Variants in LRP1B observed in about 807,000 individuals in gnomAD.
The protein encoded by LRP1B is low-density lipoprotein receptor-related protein 1B.
A neutral mutation model predicts 556.6 loss-of-function variants in LRP1B; 217 were observed. The observed-to-expected ratio is 0.39, with a 90% confidence interval of 0.35 to 0.44. LRP1B has a LOEUF of 0.44. Among genes scored for constraint, LRP1B ranks in the 20% least tolerant of loss-of-function variants. The pLI, the probability that LRP1B is intolerant of heterozygous loss-of-function variation, is 1.00. For synonymous variants in LRP1B, 2,047 were observed against 1,865.8 expected, an observed-to-expected ratio of 1.10 and a Z score of -2.50; for missense variants, 5,053 against 5,620.8, an observed-to-expected ratio of 0.90 and a Z score of 3.23.
At chr2:141,434,172 T>A (rs778104537) in intron 3 of LRP1B, among the ~76,000 whole-genome samples, 1 of 152,186 alleles carries the variant, frequency 6.6e-6, no homozygotes, top group East Asian at 1.9e-4. Context: ...TATCTTTGAA[T>A]ATTTTTTCTG....
In LRP1B at chr2:140,701,497, C is replaced by T. The variant is rs1412181812; in HGVS notation, c.6427+224G>A. Among the ~76,000 whole-genome samples, 3 of 152,144 alleles carry T rather than the reference C, an allele frequency of 2.0e-5. No homozygotes were observed. The East Asian group carries it at 5.8e-4, about 29-fold the overall frequency. On this transcript the variant is annotated intron_variant, in intron 40 of 90. Coordinates refer to ENST00000389484, the MANE Select transcript of LRP1B (RefSeq NM_018557.3). ...TAATCAAGACATGCCAGGTATGTAA[C>T]ATGTCCATGTACCTGTGCTGTCCTG... is the stretch of plus-strand genomic sequence containing the variant.
chr2:141,421,324 C>G (rs1264782522), intron 3 of LRP1B, among the ~76,000 whole-genome samples: 2 of 151,938 alleles, frequency 1.3e-5, no homozygotes, highest in Non-Finnish European at 2.9e-5. Flanking sequence ...GTCAGGAGAT[C>G]GAGACCATCC....
intron 2 of LRP1B, among the ~76,000 whole-genome samples, chr2:141,569,324 C>T (rs1160263092): frequency 6.7e-6 from 1 of 150,286 alleles, no homozygotes; most frequent in East Asian, 1.9e-4. Flanking sequence ...TTTAAGCAGG[C>T]CCTAGAAATA....
intron 28 of LRP1B, 61 bp from the exon 29 acceptor site, chr2:140,850,390 T>C (rs1281398209): frequency 3.2e-6 from 3 of 946,456 alleles, no homozygotes; most frequent in Admixed American, 2.5e-5. Context: ...AGTCTAGAAA[T>C]TCTAAAATAT....
At chr2:140,658,353 T>G (rs1684963075) in intron 41 of LRP1B, among the ~76,000 whole-genome samples, 1 of 152,074 alleles carries the variant, frequency 6.6e-6, no homozygotes, top group Admixed American at 6.5e-5. Flanking sequence ...TAACAATTTC[T>G]AACAAAAGTT....
intron 66 of LRP1B, among the ~76,000 whole-genome samples, chr2:140,440,943 T>A (rs1233131544): frequency 6.6e-6 from 1 of 152,194 alleles, no homozygotes; most frequent in Admixed American, 6.5e-5. Context: ...ATTTGACACA[T>A]CCCAGTTACA....
At chr2:142,119,243 A>T (rs896758784) in intron 1 of LRP1B, among the ~76,000 whole-genome samples, 1 of 152,204 alleles carries the variant, frequency 6.6e-6, no homozygotes, top group African/African-American at 2.4e-5. Context: ...TTATTTTCTT[A>T]TACATTACTT....
intron 1 of LRP1B, among the ~76,000 whole-genome samples, chr2:142,003,891 C>A (rs899535551): frequency 5.9e-5 from 9 of 152,198 alleles, no homozygotes; most frequent in Non-Finnish European, 1.5e-5. Context: ...CCTTGCCCTG[C>A]CACATATTAT....
intron 1 of LRP1B, among the ~76,000 whole-genome samples, chr2:142,123,688 C>T (rs1252440748): frequency 1.4e-5 from 2 of 142,296 alleles, no homozygotes; most frequent in Admixed American, 7.1e-5. Flanking sequence ...TTTCTCTTAA[C>T]AAAGTTGGAA....
In LRP1B at chr2:140,700,188, T is replaced by C. The variant is rs1403053454; in HGVS notation, c.6799+62A>G. 30 of 1,398,494 alleles carry C rather than the reference T, an allele frequency of 2.1e-5. No homozygotes were observed. The Middle Eastern group carries it at 7.4e-4, about 35-fold the overall frequency. 86.6% of individuals were successfully genotyped at this position (1,398,494 alleles called of 1,614,324 possible). A position where few individuals can be genotyped will look rare whatever the true frequency, so the allele number is the denominator to read the frequency against. Reference sequence around the variant, plus strand: ...TTGCTACATGCAATTACCACTATTATTTCTCTAGTAATCTAAATGATACTC... The same window carrying C: ...TTGCTACATGCAATTACCACTATTACTTCTCTAGTAATCTAAATGATACTC... On this transcript the variant is annotated intron_variant, in intron 41 of 90. Transcript: ENST00000389484.
At chr2:140,286,771 A>C in intron 84 of LRP1B, among the ~76,000 whole-genome samples, 1 of 151,824 alleles carries the variant, frequency 6.6e-6, no homozygotes, top group East Asian at 1.9e-4. Flanking sequence ...TTATATACCT[A>C]AATATATATA....
chr2:142,027,300 GTTGT>G (rs1242856256), intron 1 of LRP1B, among the ~76,000 whole-genome samples: 1 of 149,436 alleles, frequency 6.7e-6, no homozygotes, highest in Non-Finnish European at 1.5e-5. Flanking sequence ...ATTTTTAGAG[GTTGT>G]TTTTTTTTTC....
intron 1 of LRP1B, among the ~76,000 whole-genome samples, chr2:141,818,852 T>C (rs989382007): frequency 1.3e-5 from 2 of 151,844 alleles, no homozygotes; most frequent in Admixed American, 1.3e-4. Context: ...TCTGTATCTT[T>C]ACTGTTATAT....
intron 3 of LRP1B, among the ~76,000 whole-genome samples, chr2:141,291,295 G>A (rs1472293363): frequency 7.9e-5 from 12 of 151,924 alleles, no homozygotes; most frequent in Non-Finnish European, 1.8e-4. Context: ...ATTTTCACGA[G>A]TTTTTATAGA....
chr2:141,735,144 TTTTGTTTGTTTG>T (rs56164987), intron 2 of LRP1B, among the ~76,000 whole-genome samples: 20,377 of 150,316 alleles, frequency 0.14, 1,658 homozygotes, highest in South Asian at 0.25. Context: ...TCATTTTGTT[TTTTGTTTGTTTG>T]TTTGTTTGTT....
intron 81 of LRP1B, among the ~76,000 whole-genome samples, chr2:140,322,607 GAA>G (rs918754313): frequency 1.9e-3 from 237 of 127,570 alleles, no homozygotes; most frequent in African/African-American, 7.3e-3. Context: ...CTTTTTTTTT[GAA>G]AAGACATGTC....
At chr2:141,814,129 T>G (rs1323395126) in intron 1 of LRP1B, among the ~76,000 whole-genome samples, 2 of 152,108 alleles carry the variant, frequency 1.3e-5, no homozygotes, top group African/African-American at 4.8e-5. Context: ...TAGGTATATG[T>G]AAAACAGATG....
chr2:140,913,284 T>C (rs868534244), intron 21 of LRP1B, among the ~76,000 whole-genome samples: 5 of 151,934 alleles, frequency 3.3e-5, no homozygotes, highest in African/African-American at 1.2e-4. Flanking sequence ...TTCCTGACCT[T>C]GTGGAGCAAT....
intron 1 of LRP1B, among the ~76,000 whole-genome samples, chr2:142,090,741 C>T (rs745451243): frequency 6.6e-6 from 1 of 152,052 alleles, no homozygotes; most frequent in Non-Finnish European, 1.5e-5. Context: ...TCCTAACTTA[C>T]TCTTAGCCTC....
Sources: allele counts gnomAD v4.1 joint callset (sites outside exome capture counted in the v4.1 genomes callset), GRCh38; gene constraint gnomAD v4.1.1; transcripts MANE v1.5; gene names NCBI Gene and HGNC (gene_info 2026-07-23, HGNC 2026-07-21).